MAML3: variants seen among roughly 807,000 people sequenced by gnomAD.
MAML3 encodes mastermind-like protein 3.
A neutral mutation model predicts 101.9 loss-of-function variants in MAML3; 27 were observed. That is an observed-to-expected ratio of 0.27 (90% CI 0.20 to 0.37). The LOEUF is 0.37. MAML3 is among the 10% of genes least tolerant of loss of function. The pLI is 1.00. For missense variants in MAML3, 1,316 were observed against 1,444.9 expected (o/e 0.91, Z 1.45); for synonymous variants, 501 against 555.9 (o/e 0.90, Z 1.39).
intron 1 of MAML3, among the ~76,000 whole-genome samples, chr4:139,892,239 A>G (rs1028622367): frequency 6.6e-6 from 1 of 152,178 alleles, no homozygotes; most frequent in African/African-American, 2.4e-5. Flanking sequence ...AAAACTCAAC[A>G]TGTCTCAACA....
intron 2 of MAML3, among the ~76,000 whole-genome samples, chr4:139,866,499 C>T (rs1038018494): frequency 1.3e-5 from 2 of 152,162 alleles, no homozygotes; most frequent in African/African-American, 4.8e-5. Context: ...AATTTGTAAA[C>T]AAGGAAGATA....
rs1342018242 is a variant in MAML3 at position 139,801,633 on chromosome 4, GGTGTGTGTGGGTGTGTGTGTGTGT to G, written c.2080-70990_2080-70967del. Among the ~76,000 whole-genome samples, 5 of 146,522 alleles carry G rather than the reference GGTGTGTGTGGGTGTGTGTGTGTGT, an allele frequency of 3.4e-5. No homozygotes were observed. The East Asian group carries it at 9.7e-4, about 28-fold the overall frequency. On this transcript the variant is annotated intron_variant, in intron 2 of 4. Coordinates refer to ENST00000509479, the MANE Select transcript of MAML3 (RefSeq NM_018717.5). The stretch of plus-strand genomic sequence containing the variant: ...CCTAATTTGAAAAGAGCAGGAACAG[GGTGTGTGTGGGTGTGTGTGTGTGT>G]GTGTGTGTGTGTGTGTGTGTGTGTC...
intron 2 of MAML3, among the ~76,000 whole-genome samples, chr4:139,741,891 C>A (rs62322603): frequency 0.84 from 127,735 of 151,868 alleles, 54,372 homozygotes; most frequent in Non-Finnish European, 0.92. Context: ...ATTTTTAAAA[C>A]GCCCTATTGT....
intron 1 of MAML3, among the ~76,000 whole-genome samples, chr4:140,024,503 C>T (rs926482166): frequency 3.9e-5 from 6 of 152,144 alleles, no homozygotes; most frequent in African/African-American, 1.4e-4. Context: ...TGCTGGATTA[C>T]AAGCGTGTGC....
At chr4:140,067,200 GGTGT>G (rs34701956) in intron 1 of MAML3, among the ~76,000 whole-genome samples, 36,455 of 149,746 alleles carry the variant, frequency 0.24, 5,076 homozygotes, top group East Asian at 0.31. Context: ...AAATTTTAGG[GGTGT>G]GTGTGTGTGT....
chr4:139,991,773 G>A (rs1734676928), intron 1 of MAML3, among the ~76,000 whole-genome samples: 1 of 152,084 alleles, frequency 6.6e-6, no homozygotes, highest in Non-Finnish European at 1.5e-5. Context: ...TTGAGCCCAG[G>A]AGGTCAAGGC....
At chr4:139,807,271 T>C (rs1730718400) in intron 2 of MAML3, among the ~76,000 whole-genome samples, 1 of 140,148 alleles carries the variant, frequency 7.1e-6, no homozygotes, top group South Asian at 2.3e-4. Context: ...ATCATATGCA[T>C]ATACGCTATT....
chr4:139,971,049 TG>T (rs1175834698), intron 1 of MAML3, among the ~76,000 whole-genome samples: 1 of 152,252 alleles, frequency 6.6e-6, no homozygotes, highest in African/African-American at 2.4e-5. Flanking sequence ...TATGTGTCTA[TG>T]TATTAAGGAC....
chr4:139,806,265 T>C (rs1730698810), intron 2 of MAML3, among the ~76,000 whole-genome samples: 2 of 152,146 alleles, frequency 1.3e-5, no homozygotes, highest in Non-Finnish European at 2.9e-5. Flanking sequence ...TATGTAAGTT[T>C]TTTAGAAAAA....
intron 1 of MAML3, among the ~76,000 whole-genome samples, chr4:140,045,897 C>T (rs11100454): frequency 0.96 from 146,874 of 152,260 alleles, 71,055 homozygotes; most frequent in East Asian, 1. Flanking sequence ...CCTTAATTGC[C>T]GTGGCCTAGT....
At chr4:140,008,750 C>T (rs1726498865) in intron 1 of MAML3, among the ~76,000 whole-genome samples, 1 of 152,072 alleles carries the variant, frequency 6.6e-6, no homozygotes, top group African/African-American at 2.4e-5. Context: ...TATCTGTAAA[C>T]AACCTTTATA....
At chr4:139,733,825 T>A (rs577381774) in intron 2 of MAML3, among the ~76,000 whole-genome samples, 1 of 152,274 alleles carries the variant, frequency 6.6e-6, no homozygotes, top group South Asian at 2.1e-4. Flanking sequence ...GGTGGGGGAC[T>A]ACAGGTTTAA....
intron 1 of MAML3, among the ~76,000 whole-genome samples, chr4:140,147,247 G>C (rs941142910): frequency 6.6e-6 from 1 of 151,856 alleles, no homozygotes; most frequent in Non-Finnish European, 1.5e-5. Flanking sequence ...GCGTGATTTA[G>C]TATCTTAACT....
chr4:140,011,177 CAT>C (rs1260186043), intron 1 of MAML3, among the ~76,000 whole-genome samples: 1 of 92,492 alleles, frequency 1.1e-5, no homozygotes, highest in Non-Finnish European at 2.1e-5. Context: ...ACATATATGT[CAT>C]ATATATTTAT....
Position 140,136,581 on chromosome 4 carries a change from T to C in MAML3, c.468+16279A>G, listed in dbSNP as rs554425910. Among the ~76,000 whole-genome samples, 5 of 152,340 alleles carry C rather than the reference T, an allele frequency of 3.3e-5. No individual in the cohort carries two copies. In the South Asian group the frequency reaches 1.0e-3, roughly 32 times the overall value. On this transcript the variant is annotated intron_variant, in intron 1 of 4. Transcript: ENST00000509479. ...CCAGAAAATACAAAATAATGTACGA[T>C]ATTAGGAGTAATTTAACCGAACCCA...
chr4:139,878,579 C>T (rs4863518), intron 2 of MAML3, among the ~76,000 whole-genome samples: 55,232 of 152,030 alleles, frequency 0.36, 10,643 homozygotes, highest in Non-Finnish European at 0.43. Context: ...TGGGCCTACT[C>T]TCTTACCTGT....
At chr4:139,752,251 G>T (rs1452119879) in intron 2 of MAML3, among the ~76,000 whole-genome samples, 1 of 152,220 alleles carries the variant, frequency 6.6e-6, no homozygotes, top group Non-Finnish European at 1.5e-5. Flanking sequence ...GAACTATGGT[G>T]TGCCATCAGT....
chr4:139,740,586 CTT>C (rs1389985091), intron 2 of MAML3: 5 of 152,144 alleles, frequency 3.3e-5, no homozygotes. Flanking sequence ...GCCTTTCTCT[CTT>C]ATTGTACCCA....
At chr4:139,959,456 C>T (rs1392355638) in intron 1 of MAML3, among the ~76,000 whole-genome samples, 1 of 152,218 alleles carries the variant, frequency 6.6e-6, no homozygotes, top group Admixed American at 6.5e-5. Context: ...CTGCTTCATA[C>T]TGGGTACTGC....
Sources: allele counts gnomAD v4.1 joint callset (sites outside exome capture counted in the v4.1 genomes callset), GRCh38; gene constraint gnomAD v4.1.1; transcripts MANE v1.5; gene names NCBI Gene and HGNC (gene_info 2026-07-23, HGNC 2026-07-21).